The following MID1 variants were observed in gnomAD, a reference collection of about 807,000 sequenced individuals.
The protein encoded by MID1 is E3 ubiquitin-protein ligase Midline-1.
MID1 carries 7 observed loss-of-function variants against 40.4 expected under a neutral mutation model. That is an observed-to-expected ratio of 0.17 (90% CI 0.10 to 0.33). MID1 has a LOEUF of 0.33. MID1 is among the 10% of genes least tolerant of loss of function. The pLI, the probability that MID1 is intolerant of heterozygous loss-of-function variation, is 1.00. For missense variants in MID1, 367 were observed against 558.5 expected (o/e 0.66, Z 3.46); for synonymous variants, 229 against 221.2 (o/e 1.04, Z -0.31).
intron 9 of MID1, among the ~76,000 whole-genome samples, chrX:10,450,170 A>G (rs905949423): frequency 1.8e-5 from 2 of 112,586 alleles, no homozygotes; most frequent in Admixed American, 9.4e-5. Context: ...TGAGGAACTG[A>G]ACTTTAAATT....
intron 4 of MID1, among the ~76,000 whole-genome samples, chrX:10,490,660 T>A (rs1347912197): frequency 8.9e-6 from 1 of 112,381 alleles, no homozygotes; most frequent in Non-Finnish European, 1.9e-5. Context: ...ACTCTAGATT[T>A]TTTAATGTTG....
intron 3 of MID1, among the ~76,000 whole-genome samples, chrX:10,522,153 G>A (rs994833327): frequency 4.5e-5 from 5 of 112,032 alleles, no homozygotes; most frequent in Admixed American, 1.9e-4. Context: ...TAGAGTCTTC[G>A]CAGATGTAAT....
At chrX:10,710,112 T>A (rs1316766847) in intron 1 of MID1, among the ~76,000 whole-genome samples, 1 of 111,858 alleles carries the variant, frequency 8.9e-6, no homozygotes, top group Non-Finnish European at 1.9e-5. Context: ...CGGTCAATTG[T>A]TATTACAGGT....
chrX:10,543,846 A>T (rs750297138), intron 2 of MID1, among the ~76,000 whole-genome samples: 119 of 105,482 alleles, frequency 1.1e-3, no homozygotes, highest in African/African-American at 2.4e-3. Flanking sequence ...CTGTTTTTTT[A>T]AAAAAAAAAA....
At chrX:10,771,281 AATAT>A (rs1257523734) in intron 1 of MID1, among the ~76,000 whole-genome samples, 1 of 110,687 alleles carries the variant, frequency 9.0e-6, no homozygotes, top group Non-Finnish European at 1.9e-5. Context: ...TTTAGTGACT[AATAT>A]ATAGTTTCTC....
At chrX:10,479,895 T>C (rs1287983545) in intron 5 of MID1, among the ~76,000 whole-genome samples, 2 of 111,899 alleles carry the variant, frequency 1.8e-5, no homozygotes, top group South Asian at 3.7e-4. Flanking sequence ...AGCTTAATTT[T>C]TGGATTTTTG....
At chrX:10,711,029 T>C (rs1439814645) in intron 1 of MID1, among the ~76,000 whole-genome samples, 1 of 111,678 alleles carries the variant, frequency 9.0e-6, no homozygotes, top group East Asian at 2.8e-4. Flanking sequence ...TCCTCCTCAA[T>C]GATGGCACTA....
intron 1 of MID1, among the ~76,000 whole-genome samples, chrX:10,796,734 G>A (rs1009653814): frequency 1.8e-5 from 2 of 110,431 alleles, no homozygotes; most frequent in Admixed American, 9.8e-5. Context: ...CAAGTGTGGA[G>A]GGTGGAGTGT....
At chrX:10,699,495 T>C (rs1010304621) in intron 1 of MID1, among the ~76,000 whole-genome samples, 6 of 112,123 alleles carry the variant, frequency 5.4e-5, no homozygotes, top group African/African-American at 1.9e-4. Context: ...GTTTGGAGCT[T>C]TGACCCTGTA....
At chrX:10,637,781 C>T (rs182840169) in intron 1 of MID1, among the ~76,000 whole-genome samples, 5 of 111,422 alleles carry the variant, frequency 4.5e-5, no homozygotes, top group East Asian at 2.8e-4. Flanking sequence ...GAAAAAGAGA[C>T]AGCAGCTATT....
chrX:10,779,464 C>T (rs1047800724), intron 1 of MID1, among the ~76,000 whole-genome samples: 4 of 112,091 alleles, frequency 3.6e-5, no homozygotes, highest in South Asian at 3.7e-4. Context: ...TGAACCACCA[C>T]GCCTGGCGAG....
At chrX:10,502,829 T>C (rs1465290304) in intron 3 of MID1, among the ~76,000 whole-genome samples, 3 of 112,141 alleles carry the variant, frequency 2.7e-5, no homozygotes, top group African/African-American at 6.5e-5. Flanking sequence ...TGATGCTAGG[T>C]TGATGTTCTT....
intron 6 of MID1, 34 bp from the exon 7 acceptor site, chrX:10,469,874 G>GCA (rs1602265550): frequency 1.5e-5 from 18 of 1,178,104 alleles, no homozygotes; most frequent in Middle Eastern, 2.3e-4. Flanking sequence ...CAGTGGAAAA[G>GCA]CACACACAAC....
At chrX:10,589,891 C>T (rs1213548443) in intron 1 of MID1, 3 of 109,622 alleles carry the variant, frequency 2.7e-5, no homozygotes, top group South Asian at 4.2e-4. Flanking sequence ...CCTCAGACAC[C>T]GAGATAAAGA....
At chrX:10,796,644 A>G (rs1485014844) in intron 1 of MID1, among the ~76,000 whole-genome samples, 1 of 109,909 alleles carries the variant, frequency 9.1e-6, no homozygotes, top group East Asian at 2.8e-4. Flanking sequence ...GTTCAGGGTG[A>G]TTGGCCAGAA....
chrX:10,647,479 T>C (rs1936273762), intron 1 of MID1, among the ~76,000 whole-genome samples: 1 of 111,623 alleles, frequency 9.0e-6, no homozygotes, highest in East Asian at 2.8e-4. Flanking sequence ...CTTTCAACTC[T>C]AACTTCAAAT....
chrX:10,452,697 T>C (rs1292137073), intron 9 of MID1, among the ~76,000 whole-genome samples: 1 of 112,247 alleles, frequency 8.9e-6, no homozygotes, highest in African/African-American at 3.2e-5. Flanking sequence ...CATGAAGATT[T>C]TTCTGAAATT....
chrX:10,704,729 T>TACACACACACAC (rs1280810951), intron 1 of MID1, among the ~76,000 whole-genome samples: 2 of 83,432 alleles, frequency 2.4e-5, no homozygotes, highest in African/African-American at 5.5e-5. Flanking sequence ...TATATATATA[T>TACACACACACAC]ATATATATAT....
intron 7 of MID1, among the ~76,000 whole-genome samples, chrX:10,465,817 TAAG>T (rs1384047902): frequency 8.9e-6 from 1 of 111,936 alleles, no homozygotes; most frequent in Non-Finnish European, 1.9e-5. Context: ...TGTGACACCC[TAAG>T]AAGAAGACCC....
Sources: allele counts gnomAD v4.1 joint callset (sites outside exome capture counted in the v4.1 genomes callset), GRCh38; gene constraint gnomAD v4.1.1; transcripts MANE v1.5; gene names NCBI Gene and HGNC (gene_info 2026-07-23, HGNC 2026-07-21).